ACSM2B: variants seen among roughly 807,000 people sequenced by gnomAD.
ACSM2B encodes acyl-CoA synthetase medium chain family member 2B, also known as acyl-coenzyme A synthetase ACSM2B, mitochondrial.
A neutral mutation model predicts 78.6 loss-of-function variants in ACSM2B; 58 were observed. That is an observed-to-expected ratio of 0.74 (90% CI 0.60 to 0.92). The LOEUF is 0.92. Among genes scored for constraint, ACSM2B ranks in the 40% least tolerant of loss-of-function variants. The probability of loss-of-function intolerance (pLI) is 0.00; values close to 1 mark genes in which losing one functional copy is unlikely to be tolerated. For synonymous variants in ACSM2B, 257 were observed against 256.8 expected (o/e 1.00, Z -0.01); for missense variants, 688 against 711.2 (o/e 0.97, Z 0.37).
At chr16:20,546,512 G>A in intron 8 of ACSM2B, 38 bp from the exon 9 acceptor site, 5 of 1,579,338 alleles carry the variant, frequency 3.2e-6, no homozygotes, top group Non-Finnish European at 3.4e-6. Context: ...AACCTCAGGA[G>A]GAGGTACAAG....
rs755722980 is a variant in ACSM2B, at chr16:20,564,805, C to G, written c.41G>C (p.Trp14Ser). Residue 14 changes from tryptophan (W) to serine (S), a missense_variant, in exon 2 of 14, where the codon TGG (tryptophan) becomes TCG (serine). Trp to Ser is a radical substitution (Grantham distance 177, BLOSUM62 -3). Transcript: ENST00000329697. ...AGTGCGGCTGGACATCTGAGTACCC[C>G]ACAGGGTGCAAAGTCCCTGAACTTT... Reference protein sequence around the residue: ...LRKVQGLCTLWGTQMSSRTLY... With the variant: ...LRKVQGLCTLSGTQMSSRTLY... The G allele has an allele frequency of 5.6e-6, 9 of 1,612,508 alleles. No homozygotes were observed. In the Admixed American group the frequency reaches 8.4e-5, roughly 15 times the overall value.
At chr16:20,555,972 A>G (rs2015461892) in intron 3 of ACSM2B, among the ~76,000 whole-genome samples, 1 of 152,154 alleles carries the variant, frequency 6.6e-6, no homozygotes, top group South Asian at 2.1e-4. Context: ...ATCTATGTAC[A>G]CACAAAGTAT....
rs1335203408 is a variant in ACSM2B, at chr16:20,552,254, C to T, written c.784G>A (p.Asp262Asn). The change falls in exon 6 of 14, where the codon GAC becomes AAC. Residue 262 changes from aspartate to asparagine, a missense_variant. Transcript: ENST00000329697. ...QASDIMWTIS[D>N]TGWILNILGS... ...AAGATGTTCAGTATCCAACCTGTGT[C>T]TGATATGGTCCACATTATATCAGAG... is the stretch of plus-strand genomic sequence containing the variant. The T allele has an allele frequency of 3.7e-6, 6 of 1,613,800 alleles. No homozygotes were observed. Among genetic ancestry groups the T allele is most frequent in the Non-Finnish European group, 5.1e-6 (6 of 1,179,794 alleles).
intron 6 of ACSM2B, 83 bp downstream of exon 6, chr16:20,552,061 A>G (rs1324893964): frequency 6.6e-7 from 1 of 1,523,968 alleles, no homozygotes; most frequent in Admixed American, 2.1e-5. Context: ...AAATTAGATG[A>G]ATTGAAACAA....
At position 20,564,547 on chromosome 16, in the gene ACSM2B, T is replaced by G. The variant is rs1230780168; in HGVS notation, c.177+122A>C. 2.0e-6 allele frequency: 3 copies of G among 1,479,036 alleles called. No individual in the cohort carries two copies. In the African/African-American group the frequency reaches 4.2e-5, roughly 21 times the overall value. The allele number at this position is 1,479,036 out of a possible 1,614,324, so 91.6% of individuals were successfully genotyped here. A position where few individuals can be genotyped will look rare whatever the true frequency, so the allele number is the denominator to read the frequency against. On this transcript the variant is annotated intron_variant, in intron 2 of 13. Coordinates refer to ENST00000329697, the MANE Select transcript of ACSM2B (RefSeq NM_001105069.2). ...GCCTTCATGGAAGATGAGTGTCTTG[T>G]CCATAGCTTATTACAGTGCCTTACA...
chr16:20,540,749 C>A lies in ACSM2B; in HGVS notation c.1534G>T (p.Ala512Ser), dbSNP rs770071398. 1.6e-5 allele frequency: 26 copies of A among 1,614,016 alleles called. No homozygotes were observed. In the African/African-American group the frequency reaches 2.0e-4, roughly 12 times the overall value. The change falls in exon 13 of 14, where the codon GCC (alanine) becomes TCC (serine). Residue 512 changes from alanine (A) to serine (S), a missense_variant. Coordinates refer to ENST00000329697, the MANE Select transcript of ACSM2B (RefSeq NM_001105069.2). The stretch of plus-strand genomic sequence containing the variant: ...GGGTCATGGGATAGGAACTGCGAGG[C>A]CAGGATCACAAATGCCTTCACCACC... ...GEVVKAFVIL[A>S]SQFLSHDPEQ...
Position 20,545,229 on chromosome 16 carries a change from G to A in ACSM2B, c.1209C>T (p.Pro403=), listed in dbSNP as rs2015101629. The A allele has an allele frequency of 6.2e-7, 1 of 1,613,798 alleles. No homozygotes were observed. The highest frequency in any genetic ancestry group is 1.3e-5 in the African/African-American group (1 of 74,924). Residue 403 remains proline (P), a synonymous_variant, in exon 10 of 14, where the codon CCC becomes CCT. Transcript: ENST00000329697. ...QVIDDKGNVL[P]PGTEGDIGIR... ...TGCCAATGTCTCCTTCTGTGCCGGGGGGCAGGACGTTGCCCTTATCATCTA... is the reference window on the plus strand; with the variant it reads ...TGCCAATGTCTCCTTCTGTGCCGGGAGGCAGGACGTTGCCCTTATCATCTA...
At position 20,548,161 on chromosome 16, in the gene ACSM2B, G is replaced by C; in HGVS notation, c.999C>G (p.Asn333Lys). 6.2e-7 allele frequency: 1 copy of C among 1,614,068 alleles called. No homozygotes were observed. The highest frequency in any genetic ancestry group is 1.7e-5 in the Admixed American group (1 of 60,020). ...LSSYKFPHLQ[N>K]CLAGGESLLP... The stretch of plus-strand genomic sequence containing the variant: ...GAAGGGACTCCCCTCCAGCGAGGCA[G>C]TTCTGTAGATGGGGGAACTTGTAAC... The change falls in exon 8 of 14, where the codon AAC becomes AAG. Residue 333 changes from asparagine to lysine, a missense_variant. By Grantham distance (94) the Asn-to-Lys change is moderately conservative. Coordinates refer to ENST00000329697, the MANE Select transcript of ACSM2B (RefSeq NM_001105069.2).
rs563151418 is a variant in ACSM2B at position 20,559,395 on chromosome 16, T to C, written c.230A>G (p.Lys77Arg). The C allele has an allele frequency of 1.2e-6, 2 of 1,613,088 alleles. No individual in the cohort carries two copies. The highest frequency in any genetic ancestry group is 1.3e-5 in the African/African-American group (1 of 74,882). Residue 77 changes from lysine (K) to arginine (R), a missense_variant, in exon 3 of 14, where the codon AAG becomes AGG. Physicochemically the swap from Lys to Arg is conservative, Grantham distance 26 (BLOSUM62 2). Coordinates refer to ENST00000329697, the MANE Select transcript of ACSM2B (RefSeq NM_001105069.2). Reference sequence around the variant, plus strand: ...TTCTCTGAAATTCCACATTAATTCCTTCCCCTTCCCATTCACCCACCACAG... The same window carrying C: ...TTCTCTGAAATTCCACATTAATTCCCTCCCCTTCCCATTCACCCACCACAG... ...PALWWVNGKGKELMWNFRELS... is the reference protein window; with the variant it reads ...PALWWVNGKGRELMWNFRELS...
chr16:20,544,429 G>A lies in ACSM2B; in HGVS notation c.1281+728C>T, dbSNP rs1360262175. ...TATAGGGTGGCTGGGAGGATTAAAC[G>A]AGTTGAAAGTTTAAATGAGTTTAAA... On this transcript the variant is annotated intron_variant, in intron 10 of 13. Transcript: ENST00000329697. 5.5e-5 allele frequency: 25 copies of A among 456,472 alleles called. No homozygotes were observed. In the Admixed American group the frequency reaches 8.3e-4, roughly 15 times the overall value. 28.3% of individuals were successfully genotyped at this position (456,472 alleles called of 1,614,324 possible).
chr16:20,548,599 C>T, intron 6 of ACSM2B, 126 bp from the exon 7 acceptor site: 2 of 1,563,834 alleles, frequency 1.3e-6, no homozygotes, highest in South Asian at 1.2e-5. Flanking sequence ...AGCTTGTTTA[C>T]TATGTCTGAT....
At chr16:20,572,636 G>A (rs2016120983) in intron 1 of ACSM2B, among the ~76,000 whole-genome samples, 1 of 149,912 alleles carries the variant, frequency 6.7e-6, no homozygotes, top group South Asian at 2.1e-4. Context: ...GCAAGGCTGG[G>A]AAAGTTTTCC....
In ACSM2B at chr16:20,554,002, A is replaced by T. The variant is rs188382013; in HGVS notation, c.597-82T>A. ...AGTGACCCATCTTTTCCCACCACCC[A>T]CTGTGCTGAAAAGGGCAAGTTGATG... On this transcript the variant is annotated intron_variant, in intron 4 of 13. Transcript: ENST00000329697. The T allele has an allele frequency of 3.4e-4, 541 of 1,592,638 alleles. 2 individuals are homozygous for T. The African/African-American group carries it at 6.4e-3, about 19-fold the overall frequency.
intron 3 of ACSM2B, among the ~76,000 whole-genome samples, chr16:20,557,513 T>C (rs1261306595): frequency 6.6e-6 from 1 of 152,188 alleles, no homozygotes; most frequent in Non-Finnish European, 1.5e-5. Flanking sequence ...AACTCCACTA[T>C]TGCCTTCCTC....
chr16:20,543,398 C>T (rs2015054004), intron 10 of ACSM2B, 136 bp from the exon 11 acceptor site: 3 of 1,524,956 alleles, frequency 2.0e-6, no homozygotes, highest in Non-Finnish European at 1.8e-6. Context: ...GGCAGACATG[C>T]CCTGAACCAG....
At chr16:20,566,660 G>GTATATATACTATATATAC (rs1567218184) in intron 1 of ACSM2B, among the ~76,000 whole-genome samples, 53 of 6,950 alleles carry the variant, frequency 7.6e-3, no homozygotes, top group South Asian at 0.017. Flanking sequence ...CTATATATAT[G>GTATATATACTATATATAC]TATATATAGT....
chr16:20,538,293 A>G (rs986000644), intron 13 of ACSM2B, among the ~76,000 whole-genome samples: 4 of 152,208 alleles, frequency 2.6e-5, no homozygotes, highest in East Asian at 1.9e-4. Flanking sequence ...TCAGCAAACT[A>G]TGGCCCGCAG....
intron 1 of ACSM2B, chr16:20,575,314 C>CATATATATATATATATATATAT (rs1344971447): frequency 6.6e-6 from 1 of 151,574 alleles, no homozygotes; most frequent in East Asian, 1.9e-4. Context: ...CATATAAACT[C>CATATATATATATATATATATAT]ATATATATAA....
At position 20,564,869 on chromosome 16, in the gene ACSM2B, G is replaced by A; in HGVS notation, c.-8-16C>T. ...ATGTTCAGGCCTGTAAAAGAAAGAAGAGACACAGGTAAGAGCTTCTTTAAC... is the reference window on the plus strand; with the variant it reads ...ATGTTCAGGCCTGTAAAAGAAAGAAAAGACACAGGTAAGAGCTTCTTTAAC... On this transcript the variant is annotated splice_polypyrimidine_tract_variant and intron_variant, in intron 1 of 13. Coordinates refer to ENST00000329697, the MANE Select transcript of ACSM2B (RefSeq NM_001105069.2). 1 of 1,594,036 alleles carries A rather than the reference G, an allele frequency of 6.3e-7. No homozygotes were observed.
Sources: allele counts gnomAD v4.1 joint callset (sites outside exome capture counted in the v4.1 genomes callset), GRCh38; gene constraint gnomAD v4.1.1; transcripts MANE v1.5; gene names NCBI Gene and HGNC (gene_info 2026-07-23, HGNC 2026-07-21).